CACNA1C: variants seen among roughly 807,000 people sequenced by gnomAD.
The protein encoded by CACNA1C is calcium voltage-gated channel subunit alpha1 C, also known as voltage-dependent L-type calcium channel subunit alpha-1C.
In CACNA1C, 30 loss-of-function variants were observed where a neutral mutation model predicts 229.0. The ratio of observed to expected loss-of-function variants is 0.13; its 90% confidence interval spans 0.10 to 0.18. The LOEUF is 0.18. Among genes scored for constraint, CACNA1C ranks in the 10% least tolerant of loss-of-function variants. The pLI, the probability that CACNA1C is intolerant of heterozygous loss-of-function variation, is 1.00. For synonymous variants in CACNA1C, 1,114 were observed against 1,132.5 expected (o/e 0.98, Z 0.33); for missense variants, 1,658 against 2,845.0 (o/e 0.58, Z 9.49).
At chr12:2,025,655 G>A (rs2047194234) in intron 1 of CACNA1C, among the ~76,000 whole-genome samples, 1 of 152,092 alleles carries the variant, frequency 6.6e-6, no homozygotes, top group Non-Finnish European at 1.5e-5. Context: ...ATCCTTTGAA[G>A]ACTCCAATAA....
intron 29 of CACNA1C, among the ~76,000 whole-genome samples, chr12:2,616,093 T>C (rs961039615): frequency 6.6e-6 from 1 of 152,202 alleles, no homozygotes; most frequent in Non-Finnish European, 1.5e-5. Flanking sequence ...GGCAGCTCTC[T>C]GGAATCCAAG....
At chr12:2,384,265 T>G (rs1288779717) in intron 3 of CACNA1C, among the ~76,000 whole-genome samples, 1 of 152,194 alleles carries the variant, frequency 6.6e-6, no homozygotes, top group Non-Finnish European at 1.5e-5. Flanking sequence ...CTCGAAGATG[T>G]TTGTTACATC....
chr12:2,445,533 C>CT (rs111564596), intron 3 of CACNA1C, among the ~76,000 whole-genome samples: 1 of 152,148 alleles, frequency 6.6e-6, no homozygotes, highest in African/African-American at 2.4e-5. Context: ...GCAGGATAGG[C>CT]TTTTTTTGGG....
chr12:2,523,080 G>A (rs12426831), intron 9 of CACNA1C, among the ~76,000 whole-genome samples: 6 of 132,274 alleles, frequency 4.5e-5, no homozygotes, highest in African/African-American at 1.1e-4. Context: ...TGCATTTATC[G>A]CTTCAGCCTA....
intron 3 of CACNA1C, among the ~76,000 whole-genome samples, chr12:2,419,467 A>G (rs561322011): frequency 1.3e-5 from 2 of 152,248 alleles, no homozygotes; most frequent in Non-Finnish European, 2.9e-5. Context: ...AGTGTTGGGG[A>G]TGACATTTCA....
chr12:2,018,344 T>C (rs1274008654), intron 1 of CACNA1C: 1 of 152,228 alleles, frequency 6.6e-6, no homozygotes, highest in Non-Finnish European at 1.5e-5. Flanking sequence ...GTATTTATTC[T>C]CTTTGTTTCT....
At chr12:2,424,768 G>A (rs2099012713) in intron 3 of CACNA1C, among the ~76,000 whole-genome samples, 1 of 152,200 alleles carries the variant, frequency 6.6e-6, no homozygotes, top group African/African-American at 2.4e-5. Flanking sequence ...GGGAGGGTGA[G>A]GAGGAAGTTG....
intron 1 of CACNA1C, among the ~76,000 whole-genome samples, chr12:2,014,437 A>G (rs1053273094): frequency 2.0e-5 from 3 of 152,210 alleles, no homozygotes; most frequent in South Asian, 4.1e-4. Context: ...TGTCCATTCA[A>G]TGAATATTTA....
At chr12:2,690,784 GCA>G in intron 46 of CACNA1C, 114 bp from the exon 47 acceptor site, 2 of 1,004,118 alleles carry the variant, frequency 2.0e-6, no homozygotes, top group East Asian at 5.3e-5. Flanking sequence ...GTGCACACAC[GCA>G]CACTTCCCCA....
chr12:2,505,183 C>G (rs954649033), intron 8 of CACNA1C, among the ~76,000 whole-genome samples: 6 of 151,882 alleles, frequency 4.0e-5, no homozygotes, highest in African/African-American at 1.5e-4. Flanking sequence ...CCAGCTGGCC[C>G]CTCCCAGCCT....
At chr12:2,198,088 G>A (rs1241404094) in intron 3 of CACNA1C, among the ~76,000 whole-genome samples, 1 of 152,194 alleles carries the variant, frequency 6.6e-6, no homozygotes, top group Non-Finnish European at 1.5e-5. Flanking sequence ...GGGTGAGCGG[G>A]CCTTGGAATG....
intron 1 of CACNA1C, among the ~76,000 whole-genome samples, chr12:2,076,493 T>TCCCTCCCTACCTACCTCCC (rs1383448681): frequency 6.6e-6 from 1 of 151,804 alleles, no homozygotes; most frequent in Non-Finnish European, 1.5e-5. Context: ...CTCGCCTCAC[T>TCCCTCCCTACCTACCTCCC]CCCTCCCTAC....
intron 5 of CACNA1C, among the ~76,000 whole-genome samples, chr12:2,482,200 T>C (rs2099678599): frequency 6.6e-6 from 1 of 152,220 alleles, no homozygotes; most frequent in Non-Finnish European, 1.5e-5. Context: ...AGCGAGAGCC[T>C]TTCCTGGACC....
chr12:2,016,758 G>C (rs2045455640), intron 1 of CACNA1C, among the ~76,000 whole-genome samples: 2 of 152,134 alleles, frequency 1.3e-5, no homozygotes, highest in Non-Finnish European at 1.5e-5. Context: ...AACAGTACCT[G>C]ATCTACCAGG....
chr12:2,469,444 G>A lies in CACNA1C; in HGVS notation c.757+11738G>A, dbSNP rs139540485. ...TAGGAAATACACTCATGTCATAGGA[G>A]GTGTCAAGCTGTTTGTCAGGGCAGA... On this transcript the variant is annotated intron_variant, in intron 5 of 46. Transcript: ENST00000399655. Among the ~76,000 whole-genome samples, 278 of 152,312 alleles carry A rather than the reference G, an allele frequency of 1.8e-3. 3 individuals carry two copies. Among genetic ancestry groups the A allele is most frequent in the African/African-American group, 6.4e-3 (267 of 41,560 alleles).
intron 3 of CACNA1C, among the ~76,000 whole-genome samples, chr12:2,437,848 GATGATGGTGGTGATGGTGGTGGTA>G (rs2099154432): frequency 1.1e-5 from 1 of 93,902 alleles, no homozygotes; most frequent in Non-Finnish European, 2.8e-5. Flanking sequence ...TGATGGTGGT[GATGATGGTGGTGATGGTGGTGGTA>G]ATGGTGGTGG....
rs142390036 is a variant in CACNA1C, at chr12:2,198,501, G to A, written c.477+78071G>A. On this transcript the variant is annotated intron_variant, in intron 3 of 46. Coordinates refer to ENST00000399655, the MANE Select transcript of CACNA1C (RefSeq NM_000719.7). The stretch of plus-strand genomic sequence containing the variant: ...GCACCTATATGGGGGTGTAATCTCC[G>A]TGCGGCACCATGTTGATGAGCTGCT... 4.0e-3 allele frequency among the ~76,000 whole-genome samples: 602 copies of A among 152,304 alleles called. 2 individuals are homozygous for A. The highest frequency in any genetic ancestry group is 6.6e-3 in the Non-Finnish European group (450 of 68,032).
chr12:2,265,545 A>G (rs2082064157), intron 3 of CACNA1C, among the ~76,000 whole-genome samples: 1 of 152,220 alleles, frequency 6.6e-6, no homozygotes, highest in Non-Finnish European at 1.5e-5. Context: ...TCCCTTCATT[A>G]CAGATAGTCC....
rs556299902 is a variant in CACNA1C, at chr12:2,018,674, A to G, written c.139+47473A>G. On this transcript the variant is annotated intron_variant, in intron 1 of 46. Coordinates refer to the CACNA1C transcript ENST00000682462. The stretch of plus-strand genomic sequence containing the variant: ...GCTCATTCAGGCCCTCTGTCTTAAT[A>G]AGCACAACTCAACTAATTTGGGAAG... Among the ~76,000 whole-genome samples, 3 of 152,354 alleles carry G rather than the reference A, an allele frequency of 2.0e-5. No individual in the cohort carries two copies. In the South Asian group the frequency reaches 6.2e-4, roughly 32 times the overall value.
Sources: allele counts gnomAD v4.1 joint callset (sites outside exome capture counted in the v4.1 genomes callset), GRCh38; gene constraint gnomAD v4.1.1; transcripts MANE v1.5; gene names NCBI Gene and HGNC (gene_info 2026-07-23, HGNC 2026-07-21).